The following PTPRS variants were observed in gnomAD, a reference collection of about 807,000 sequenced individuals.
PTPRS encodes the protein receptor-type tyrosine-protein phosphatase S.
A neutral mutation model predicts 215.3 loss-of-function variants in PTPRS; 63 were observed. The observed-to-expected ratio is 0.29, with a 90% CI of 0.24 to 0.36. PTPRS has a LOEUF of 0.36. Among genes scored for constraint, PTPRS ranks in the 10% least tolerant of loss-of-function variants. PTPRS has a pLI of 1.00. For missense variants in PTPRS, 2,258 were observed against 2,825.8 expected, an observed-to-expected ratio of 0.80 and a Z score of 4.56; for synonymous variants, 1,404 against 1,191.4, an observed-to-expected ratio of 1.18 and a Z score of -3.68.
chr19:5,269,293 C>T (rs901672988), intron 4 of PTPRS, among the ~76,000 whole-genome samples: 9 of 152,010 alleles, frequency 5.9e-5, no homozygotes, highest in South Asian at 2.1e-4. Flanking sequence ...GGGGAGGTCT[C>T]GGCCGCCTGA....
At position 5,214,695 on chromosome 19, in the gene PTPRS, C is replaced by A. The variant is rs1457749790; in HGVS notation, c.4360G>T (p.Gly1454Cys). 2 of 1,612,350 alleles carry A rather than the reference C, an allele frequency of 1.2e-6. No individual in the cohort carries two copies. The highest frequency in any genetic ancestry group is 1.7e-5 in the Admixed American group (1 of 60,002). The stretch of plus-strand genomic sequence containing the variant: ...ATGTACGCGTTCTGACACCGGTAGC[C>A]GTCCACGTAGTTGGCATTGATGTAA... ...SDYINANYVD[G>C]YRCQNAYIAT... The change falls in exon 29 of 38, where the codon GGC becomes TGC. Residue 1454 changes from glycine to cysteine, a missense_variant. By Grantham distance (159) the Gly-to-Cys change is radical. Transcript: ENST00000262963.
intron 16 of PTPRS, 107 bp downstream of exon 16, chr19:5,229,209 G>T (rs1276038585): frequency 3.3e-6 from 4 of 1,208,240 alleles, no homozygotes; most frequent in Non-Finnish European, 4.2e-6. Context: ...GGGCCCAGAG[G>T]AGGAGACCGT....
At chr19:5,251,075 C>A in intron 9 of PTPRS, 1 of 155,174 alleles carries the variant, frequency 6.4e-6, no homozygotes, top group East Asian at 1.8e-4. Flanking sequence ...TGTGCAGCCT[C>A]CGGGGGGTTT....
chr19:5,207,432 G>A (rs113422224), intron 37 of PTPRS, among the ~76,000 whole-genome samples: 21 of 152,276 alleles, frequency 1.4e-4, no homozygotes, highest in African/African-American at 5.1e-4. Flanking sequence ...TGTTGCCCAG[G>A]ATGGGCTCAA....
intron 13 of PTPRS, among the ~76,000 whole-genome samples, chr19:5,236,624 A>G (rs137980264): frequency 5.7e-4 from 87 of 152,324 alleles, no homozygotes; most frequent in African/African-American, 2.0e-3. Flanking sequence ...CTAGCATCTG[A>G]AACCCAGAGA....
In PTPRS at chr19:5,238,996, G is replaced by T. The variant is rs746980366; in HGVS notation, c.1772C>A (p.Ala591Asp). Residue 591 changes from alanine to aspartate, a missense_variant, in exon 13 of 38, where the codon GCC (alanine) becomes GAC (aspartate). By Grantham distance (126) the Ala-to-Asp change is moderately radical. Coordinates refer to ENST00000262963, the MANE Select transcript of PTPRS (RefSeq NM_002850.4). ...VEDLKPNTEY[A>D]FRLAARSPQG... Reference sequence around the variant, plus strand: ...CGGCGAGCGGGCCGCCAGGCGGAAGGCGTACTCCGTGTTGGGCTTCAGGTC... The same window carrying T: ...CGGCGAGCGGGCCGCCAGGCGGAAGTCGTACTCCGTGTTGGGCTTCAGGTC... 1.1e-5 allele frequency: 18 copies of T among 1,613,460 alleles called. No individual in the cohort carries two copies. The South Asian group carries it at 1.9e-4, about 17-fold the overall frequency.
At position 5,237,682 on chromosome 19, in the gene PTPRS, A is replaced by G. The variant is rs2043591407; in HGVS notation, c.1849+1237T>C. 6.6e-6 allele frequency among the ~76,000 whole-genome samples: 1 copy of G among 151,982 alleles called. No homozygotes were observed. Among genetic ancestry groups the G allele is most frequent in the Admixed American group, 6.5e-5 (1 of 15,270 alleles). On this transcript the variant is annotated intron_variant, in intron 13 of 37. Transcript: ENST00000262963. This position sits in a 1 kb window ranked among gnomAD's most constrained non-coding sequence, Gnocchi z 4.2. ...CGTTTTTGTGAACCTGCTTGAGACC[A>G]GCGTGTACTCACCTTCAGGACACCT...
At chr19:5,250,617 C>CA (rs1555779512) in intron 9 of PTPRS, among the ~76,000 whole-genome samples, 7 of 131,448 alleles carry the variant, frequency 5.3e-5, no homozygotes, top group East Asian at 2.5e-4. Flanking sequence ...GGGGTCCCAG[C>CA]GGGGGGACCC....
chr19:5,222,557 G>A (rs2042085636), intron 18 of PTPRS, 132 bp downstream of exon 18: 4 of 1,105,992 alleles, frequency 3.6e-6, no homozygotes, highest in Admixed American at 3.0e-5. Context: ...CTCGGGGTCC[G>A]GACTTGCCTT....
intron 11 of PTPRS, among the ~76,000 whole-genome samples, 178 bp downstream of exon 11, chr19:5,243,723 T>G (rs1330663278): frequency 6.6e-6 from 1 of 152,148 alleles, no homozygotes; most frequent in Non-Finnish European, 1.5e-5. Flanking sequence ...CCGCCCGCCT[T>G]GGCCTCCCAA....
chr19:5,277,472 G>T (rs1306481841), intron 2 of PTPRS, among the ~76,000 whole-genome samples: 1 of 151,990 alleles, frequency 6.6e-6, no homozygotes, highest in African/African-American at 2.4e-5. Flanking sequence ...TGGCTAACAT[G>T]GTGAAAACCC....
Position 5,213,451 on chromosome 19 carries a change from T to C in PTPRS, c.4614+910A>G, listed in dbSNP as rs78087937. Among the ~76,000 whole-genome samples the C allele has an allele frequency of 3.6e-3, 554 of 152,358 alleles. 6 individuals carry two copies. The East Asian group carries it at 0.043, about 12-fold the overall frequency. On this transcript the variant is annotated intron_variant, in intron 30 of 37. Transcript: ENST00000262963. ...CCCCAAATCTCCCCATCATACCCTCTTCCAGGTCCCTAACACTGTTTTTCT... is the reference window on the plus strand; with the variant it reads ...CCCCAAATCTCCCCATCATACCCTCCTCCAGGTCCCTAACACTGTTTTTCT...
chr19:5,228,703 G>A (rs1379758577), intron 16 of PTPRS, among the ~76,000 whole-genome samples: 1 of 152,174 alleles, frequency 6.6e-6, no homozygotes, highest in Non-Finnish European at 1.5e-5. Context: ...TGGTACTCCC[G>A]TTTTAGGGGC....
chr19:5,227,218 A>G (rs1022251729), intron 16 of PTPRS, among the ~76,000 whole-genome samples: 5 of 151,822 alleles, frequency 3.3e-5, no homozygotes, highest in African/African-American at 9.7e-5. Flanking sequence ...CTGGCTAATG[A>G]TGTTTATATT....
rs1432951190 is a variant in PTPRS, at chr19:5,244,744, A to G, written c.989-262T>C. ...ACCCACAGTGGCACGATCTCGGCTC[A>G]CTGCAAGCTCCGTCTCCCGGGTTCA... On this transcript the variant is annotated intron_variant, in intron 10 of 37. Transcript: ENST00000262963. The surrounding 1 kb of genome is among the most constrained non-coding windows in gnomAD (Gnocchi z 7.2). 1.3e-5 allele frequency among the ~76,000 whole-genome samples: 2 copies of G among 152,090 alleles called. No individual in the cohort carries two copies. The highest frequency in any genetic ancestry group is 2.9e-5 in the Non-Finnish European group (2 of 68,018).
At chr19:5,264,255 T>C (rs1334820115) in intron 5 of PTPRS, among the ~76,000 whole-genome samples, 1 of 152,134 alleles carries the variant, frequency 6.6e-6, no homozygotes, top group African/African-American at 2.4e-5. Flanking sequence ...ACACCTGCCA[T>C]TGCCTTACAC....
At chr19:5,302,669 T>A (rs563117054) in intron 1 of PTPRS, among the ~76,000 whole-genome samples, 2 of 151,832 alleles carry the variant, frequency 1.3e-5, no homozygotes, top group East Asian at 3.9e-4. Context: ...TGAAAGGGAG[T>A]CATTGCTGGT....
intron 4 of PTPRS, among the ~76,000 whole-genome samples, chr19:5,269,659 C>T (rs530098991): frequency 4.6e-5 from 7 of 152,068 alleles, no homozygotes; most frequent in South Asian, 2.1e-4. Context: ...CGGTGGCTGA[C>T]GCCTATAATC....
chr19:5,220,433 G>A (rs1188578038), intron 20 of PTPRS, 80 bp from the exon 21 acceptor site: 2 of 1,185,176 alleles, frequency 1.7e-6, no homozygotes, highest in Non-Finnish European at 2.5e-6. Flanking sequence ...AACGGGGGAA[G>A]CCGTTTCTCT....
Sources: allele counts gnomAD v4.1 joint callset (sites outside exome capture counted in the v4.1 genomes callset), GRCh38; gene constraint gnomAD v4.1.1; non-coding constraint Gnocchi (gnomAD v3.1); transcripts MANE v1.5; gene names NCBI Gene and HGNC (gene_info 2026-07-23, HGNC 2026-07-21).